Variants in RASSF3 observed in about 807,000 individuals in gnomAD.
RASSF3 encodes ras association domain-containing protein 3.
Under a neutral mutation model 19.9 loss-of-function variants are expected in RASSF3, and 19 were observed. That is an observed-to-expected ratio of 0.96 (90% confidence interval 0.67 to 1.40). RASSF3 has a LOEUF of 1.40. Ranked by LOEUF, RASSF3 falls within the 40% of genes most tolerant of loss-of-function variation. RASSF3 has a pLI of 0.00. For synonymous variants in RASSF3, 110 were observed against 104.2 expected (o/e 1.06, Z -0.34); for missense variants, 306 against 289.8 (o/e 1.06, Z -0.41).
chr12:64,625,425 A>G (rs577024864), intron 1 of RASSF3, among the ~76,000 whole-genome samples: 2 of 151,760 alleles, frequency 1.3e-5, no homozygotes, highest in South Asian at 2.1e-4. Flanking sequence ...GAGTTTATGT[A>G]TAAGTTAACA....
chr12:64,564,340 C>A (rs1184933535), intron 2 of RASSF3, among the ~76,000 whole-genome samples: 1 of 152,052 alleles, frequency 6.6e-6, no homozygotes, highest in Non-Finnish European at 1.5e-5. Context: ...TTTGTTAGCC[C>A]CCTAAATTCA....
intron 2 of RASSF3, among the ~76,000 whole-genome samples, chr12:64,567,037 G>C (rs1414031354): frequency 1.3e-5 from 2 of 152,176 alleles, no homozygotes; most frequent in Non-Finnish European, 1.5e-5. Flanking sequence ...TGATTCTCTT[G>C]CTACTGGTGG....
At chr12:64,570,251 T>TA (rs750767796) in intron 2 of RASSF3, among the ~76,000 whole-genome samples, 3 of 152,148 alleles carry the variant, frequency 2.0e-5, no homozygotes, top group Admixed American at 1.3e-4. Flanking sequence ...CTGATTTAAT[T>TA]AAAAAATGGG....
At position 64,692,409 on chromosome 12, in the gene RASSF3, G is replaced by A. The variant is rs1278589636; in HGVS notation, c.567+830G>A. The stretch of plus-strand genomic sequence containing the variant: ...CTCAGTTTTAAAATCTGTTAAGTGG[G>A]ACTAAACACTTTACAAGGTGGGCTT... On this transcript the variant is annotated intron_variant, in intron 4 of 4. Transcript: ENST00000542104. Among the ~76,000 whole-genome samples, 4 of 152,194 alleles carry A rather than the reference G, an allele frequency of 2.6e-5. 1 individual carries two copies. Among genetic ancestry groups the A allele is most frequent in the African/African-American group, 9.7e-5 (4 of 41,448 alleles).
At chr12:64,680,957 G>A (rs954798199) in intron 1 of RASSF3, among the ~76,000 whole-genome samples, 7 of 152,190 alleles carry the variant, frequency 4.6e-5, no homozygotes, top group African/African-American at 9.6e-5. Flanking sequence ...TAATTGTTAC[G>A]TAAGGATGTC....
At chr12:64,588,285 T>A (rs1159854654) in intron 2 of RASSF3, among the ~76,000 whole-genome samples, 1 of 152,216 alleles carries the variant, frequency 6.6e-6, no homozygotes, top group Non-Finnish European at 1.5e-5. Context: ...AACTGTACAT[T>A]TTGTAGGCCA....
chr12:64,522,204 T>C (rs1868491665), intron 1 of RASSF3, among the ~76,000 whole-genome samples: 1 of 152,208 alleles, frequency 6.6e-6, no homozygotes, highest in African/African-American at 2.4e-5. Flanking sequence ...TCAAAAAGTC[T>C]ATGTTACAGG....
intron 1 of RASSF3, among the ~76,000 whole-genome samples, chr12:64,671,876 C>T (rs1872712666): frequency 6.6e-6 from 1 of 152,210 alleles, no homozygotes; most frequent in Non-Finnish European, 1.5e-5. Context: ...GGGATTTCAG[C>T]CATGCCTTTT....
chr12:64,650,582 AT>A (rs1306197901), intron 1 of RASSF3, among the ~76,000 whole-genome samples: 1 of 151,346 alleles, frequency 6.6e-6, no homozygotes, highest in Non-Finnish European at 1.5e-5. Context: ...CACCCAGCTA[AT>A]TTTTTGTATT....
chr12:64,620,619 T>C (rs1296769821), intron 1 of RASSF3, among the ~76,000 whole-genome samples: 3 of 152,200 alleles, frequency 2.0e-5, no homozygotes, highest in East Asian at 1.9e-4. Context: ...TTTTATTGAA[T>C]TGGCGTTATT....
At chr12:64,634,148 T>C (rs992354521) in intron 1 of RASSF3, among the ~76,000 whole-genome samples, 8 of 151,928 alleles carry the variant, frequency 5.3e-5, no homozygotes, top group Admixed American at 2.6e-4. Context: ...CAAACAAGAA[T>C]TGTGTGAGCT....
At chr12:64,528,675 C>T (rs1414453017), upstream of RASSF3, among the ~76,000 whole-genome samples, 1 of 152,200 alleles carries the variant, frequency 6.6e-6, no homozygotes. Context: ...CAGAAGAGGA[C>T]GTTGAAAGCA....
intron 2 of RASSF3, among the ~76,000 whole-genome samples, chr12:64,599,494 CAT>C (rs1471487711): frequency 1.3e-5 from 2 of 152,192 alleles, no homozygotes; most frequent in African/African-American, 4.8e-5. Flanking sequence ...TCTCTAATAA[CAT>C]ATTTCAAATC....
At chr12:64,588,485 G>T (rs552336236) in intron 2 of RASSF3, among the ~76,000 whole-genome samples, 1 of 151,640 alleles carries the variant, frequency 6.6e-6, no homozygotes, top group East Asian at 1.9e-4. Flanking sequence ...GACCCACCTG[G>T]GGAATATAGC....
intron 2 of RASSF3, among the ~76,000 whole-genome samples, chr12:64,559,022 A>G (rs1313456110): frequency 2.0e-5 from 3 of 152,022 alleles, no homozygotes; most frequent in African/African-American, 7.2e-5. Context: ...CTTGCTAGTC[A>G]TACTGGTGAT....
intron 2 of RASSF3, among the ~76,000 whole-genome samples, chr12:64,574,217 A>G (rs1456942750): frequency 2.0e-5 from 3 of 151,790 alleles, no homozygotes; most frequent in Non-Finnish European, 4.4e-5. Context: ...AGCCTGAGGC[A>G]GGAGAATGGC....
intron 2 of RASSF3, among the ~76,000 whole-genome samples, chr12:64,569,887 C>A (rs1188818924): frequency 6.6e-6 from 1 of 152,186 alleles, no homozygotes; most frequent in Non-Finnish European, 1.5e-5. Context: ...ACTGCTTGAA[C>A]CGGGGAGGCG....
chr12:64,566,017 A>T (rs544891651), intron 2 of RASSF3, among the ~76,000 whole-genome samples: 1 of 152,162 alleles, frequency 6.6e-6, no homozygotes, highest in Non-Finnish European at 1.5e-5. Flanking sequence ...CCTGGCCAAC[A>T]TGGTGAAACA....
chr12:64,518,636 G>A (rs1868408678), intron 1 of RASSF3, among the ~76,000 whole-genome samples: 2 of 152,186 alleles, frequency 1.3e-5, no homozygotes, highest in African/African-American at 2.4e-5. Context: ...CATCATAAAG[G>A]ATCTTGCGGC....
Sources: allele counts gnomAD v4.1 joint callset (sites outside exome capture counted in the v4.1 genomes callset), GRCh38; gene constraint gnomAD v4.1.1; transcripts MANE v1.5; gene names NCBI Gene and HGNC (gene_info 2026-07-23, HGNC 2026-07-21).